The following CNTNAP3B variants were observed in gnomAD, a reference collection of about 807,000 sequenced individuals.
CNTNAP3B encodes the protein contactin associated protein family member 3B.
In CNTNAP3B, 25 loss-of-function variants were observed where a neutral mutation model predicts 108.9. That is an observed-to-expected ratio of 0.23 (90% CI 0.17 to 0.32). The LOEUF is 0.32. CNTNAP3B is among the 10% of genes least tolerant of loss of function. CNTNAP3B has a pLI of 1.00. For missense variants in CNTNAP3B, 252 were observed against 1,210.4 expected (o/e 0.21, Z 11.75); for synonymous variants, 103 against 473.4 (o/e 0.22, Z 10.16).
intron 1 of CNTNAP3B, among the ~76,000 whole-genome samples, chr9:42,116,850 CAA>C (rs561281257): frequency 7.6e-6 from 1 of 132,318 alleles, no homozygotes. Flanking sequence ...AAAGGGAAAA[CAA>C]AAAAAAAGCA....
chr9:42,016,594 G>GA (rs1826217114), intron 3 of CNTNAP3B, among the ~76,000 whole-genome samples: 1 of 151,260 alleles, frequency 6.6e-6, no homozygotes, highest in Non-Finnish European at 1.5e-5. Context: ...GAACCTTCTA[G>GA]AAGGATAAGC....
At chr9:42,035,658 A>G (rs1459901806) in intron 3 of CNTNAP3B, among the ~76,000 whole-genome samples, 1 of 150,556 alleles carries the variant, frequency 6.6e-6, no homozygotes, top group African/African-American at 2.5e-5. Context: ...AATTACTTAC[A>G]TATTTTTTAT....
intron 14 of CNTNAP3B, among the ~76,000 whole-genome samples, chr9:41,934,855 T>C (rs1202910363): frequency 6.6e-6 from 1 of 152,294 alleles, no homozygotes; most frequent in Non-Finnish European, 1.5e-5. Context: ...TGTACACTAG[T>C]ATGCATTTAA....
At chr9:42,105,876 C>T (rs1469045102) in intron 1 of CNTNAP3B, among the ~76,000 whole-genome samples, 1 of 56,598 alleles carries the variant, frequency 1.8e-5, no homozygotes, top group Non-Finnish European at 3.5e-5. Flanking sequence ...TTGAATATAT[C>T]ATTAGATGAT....
intron 10 of CNTNAP3B, among the ~76,000 whole-genome samples, chr9:41,969,588 A>T (rs1463188240): frequency 6.7e-6 from 1 of 150,128 alleles, no homozygotes; most frequent in African/African-American, 2.4e-5. Context: ...ACTATCATTT[A>T]AAAAATGCTA....
rs1305472912 is a variant in CNTNAP3B, at chr9:42,111,315, C to T, written c.86-6576G>A. 5.8e-5 allele frequency among the ~76,000 whole-genome samples: 8 copies of T among 139,016 alleles called. 2 individuals carry two copies. The highest frequency in any genetic ancestry group is 1.1e-4 in the Non-Finnish European group (7 of 64,788). 91.2% of individuals were successfully genotyped at this position (139,016 alleles called of 152,430 possible). ...AAAATCTATACTGTGCCAGGTGTGC[C>T]CCTATGTTCTGGGGATATAACCATA... is the stretch of plus-strand genomic sequence containing the variant. On this transcript the variant is annotated intron_variant, in intron 1 of 23. Transcript: ENST00000377561.
intron 14 of CNTNAP3B, among the ~76,000 whole-genome samples, chr9:41,935,542 G>A (rs1387598135): frequency 6.6e-6 from 1 of 152,246 alleles, no homozygotes; most frequent in Non-Finnish European, 1.5e-5. Flanking sequence ...TCATGAGACT[G>A]GTAAATTCCA....
At chr9:42,121,813 C>G (rs919244399) in intron 1 of CNTNAP3B, among the ~76,000 whole-genome samples, 1 of 140,342 alleles carries the variant, frequency 7.1e-6, no homozygotes, top group Non-Finnish European at 1.5e-5. Flanking sequence ...CAGACAAGTA[C>G]ACTGTGAAGA....
chr9:42,032,420 G>A (rs1826537710), intron 3 of CNTNAP3B, among the ~76,000 whole-genome samples: 1 of 123,232 alleles, frequency 8.1e-6, no homozygotes. Context: ...TAATGGCTGA[G>A]GTACATGAAA....
In CNTNAP3B at chr9:42,112,189, C is replaced by T. The variant is rs138130484; in HGVS notation, c.86-7450G>A. Among the ~76,000 whole-genome samples, 955 of 140,212 alleles carry T rather than the reference C, an allele frequency of 6.8e-3. 227 individuals are homozygous for T. Among genetic ancestry groups the T allele is most frequent in the African/African-American group, 0.026 (911 of 35,538 alleles). 92.0% of individuals were successfully genotyped at this position (140,212 alleles called of 152,430 possible). ...GACCGCTCACCCGATGACATTGCAG[C>T]CCCTGCTGTCTGCGAGTTCCCATCA... On this transcript the variant is annotated intron_variant, in intron 1 of 23. Transcript: ENST00000377561.
intron 2 of CNTNAP3B, among the ~76,000 whole-genome samples, chr9:42,087,536 A>C (rs1587261683): frequency 1.4e-5 from 2 of 143,770 alleles, no homozygotes; most frequent in South Asian, 2.3e-4. Flanking sequence ...GCCCTATTGC[A>C]TTGCCCCTGT....
rs1299007584 is a variant in CNTNAP3B, at chr9:42,077,683, T to A, written c.197-621A>T. On this transcript the variant is annotated intron_variant, in intron 2 of 23. Coordinates refer to ENST00000377561, the MANE Select transcript of CNTNAP3B (RefSeq NM_001201380.3). ...TGGAGTAGCAAATGGTCAAGGTGAG[T>A]CCTAAGCAGGTTCTGGTGCACTCTG... Among the ~76,000 whole-genome samples the A allele has an allele frequency of 1.6e-5, 2 of 124,096 alleles. 1 individual carries two copies. The highest frequency in any genetic ancestry group is 3.3e-5 in the Non-Finnish European group (2 of 59,854). The allele number at this position is 124,096 out of a possible 152,430, so 81.4% of individuals were successfully genotyped here. A position where few individuals can be genotyped will look rare whatever the true frequency, so the allele number is the denominator to read the frequency against.
At chr9:41,986,697 A>C (rs1230392229) in intron 8 of CNTNAP3B, among the ~76,000 whole-genome samples, 3 of 150,942 alleles carry the variant, frequency 2.0e-5, no homozygotes, top group Non-Finnish European at 4.4e-5. Context: ...AAGAATCAAG[A>C]AAGTGAGTTG....
At chr9:42,118,724 G>A (rs1206082734) in intron 1 of CNTNAP3B, among the ~76,000 whole-genome samples, 1 of 114,746 alleles carries the variant, frequency 8.7e-6, no homozygotes, top group African/African-American at 3.6e-5. Context: ...TAGGAAAAGA[G>A]GAAGTCAAAT....
In CNTNAP3B at chr9:42,112,139, T is replaced by C. The variant is rs1425267080; in HGVS notation, c.86-7400A>G. 4.3e-5 allele frequency among the ~76,000 whole-genome samples: 6 copies of C among 139,976 alleles called. 1 individual carries two copies. Among genetic ancestry groups the C allele is most frequent in the Non-Finnish European group, 9.2e-5 (6 of 65,064 alleles). The allele number at this position is 139,976 out of a possible 152,430, so 91.8% of individuals were successfully genotyped here. On this transcript the variant is annotated intron_variant, in intron 1 of 23. Transcript: ENST00000377561. The stretch of plus-strand genomic sequence containing the variant: ...TGGTCTTCTCACTGTTTCCTGAATG[T>C]GGGATGCATGCACCAATGCTCCTTG...
intron 3 of CNTNAP3B, among the ~76,000 whole-genome samples, chr9:42,046,094 G>A (rs1826869905): frequency 8.0e-6 from 1 of 125,598 alleles, no homozygotes; most frequent in African/African-American, 3.3e-5. Context: ...CAGTGCTGTG[G>A]GCTCACTTTG....
chr9:42,112,490 TG>T (rs777605361), intron 1 of CNTNAP3B, among the ~76,000 whole-genome samples: 1 of 138,850 alleles, frequency 7.2e-6, no homozygotes. Flanking sequence ...GAAGAGAGAC[TG>T]GCATGACCAG....
intron 3 of CNTNAP3B, among the ~76,000 whole-genome samples, chr9:42,075,174 CCTT>C (rs1244944755): frequency 1.4e-5 from 2 of 145,232 alleles, no homozygotes; most frequent in South Asian, 2.2e-4. Flanking sequence ...GTCCAAAGGT[CCTT>C]CTTGATGAGG....
chr9:41,968,363 G>C lies in CNTNAP3B; in HGVS notation c.1649+1711C>G, dbSNP rs1303617423. 1.4e-5 allele frequency among the ~76,000 whole-genome samples: 2 copies of C among 140,578 alleles called. 1 individual carries two copies. The highest frequency in any genetic ancestry group is 3.1e-5 in the Non-Finnish European group (2 of 65,266). 92.2% of individuals were successfully genotyped at this position (140,578 alleles called of 152,430 possible). On this transcript the variant is annotated intron_variant, in intron 10 of 23. Transcript: ENST00000377561. ...GCTGAGCAACTTGGGATTATATTAA[G>C]TGAGCAAATGGCCAGAAACCTTCCC...
Sources: allele counts gnomAD v4.1 joint callset (sites outside exome capture counted in the v4.1 genomes callset), GRCh38; gene constraint gnomAD v4.1.1; transcripts MANE v1.5; gene names NCBI Gene and HGNC (gene_info 2026-07-23, HGNC 2026-07-21).